The following DNAH5 variants were observed in gnomAD, a reference collection of about 807,000 sequenced individuals.
DNAH5 encodes the protein dynein axonemal heavy chain 5.
DNAH5 carries 372 observed loss-of-function variants against 518.2 expected under a neutral mutation model. The observed-to-expected ratio is 0.72, with a 90% CI of 0.66 to 0.78. DNAH5 has a LOEUF of 0.78. DNAH5 is among the 30% of genes least tolerant of loss of function. The pLI, the probability that DNAH5 is intolerant of heterozygous loss-of-function variation, is 0.00. For missense variants in DNAH5, 5,523 were observed against 5,687.0 expected (o/e 0.97, Z 0.93); for synonymous variants, 2,039 against 2,025.9 (o/e 1.01, Z -0.17).
At position 13,866,177 on chromosome 5, in the gene DNAH5, A is replaced by G. The variant is rs1265049329; in HGVS notation, c.4116+43T>C. On this transcript the variant is annotated intron_variant, in intron 26 of 78. Coordinates refer to ENST00000265104, the MANE Select transcript of DNAH5 (RefSeq NM_001369.3). ...AACATATGTGTGTTTAAAACACAAC[A>G]AAGTTTCATTGTTTAGAAAGTCATA... is the stretch of plus-strand genomic sequence containing the variant. 4.4e-6 allele frequency: 7 copies of G among 1,578,416 alleles called. No homozygotes were observed. In the Admixed American group the frequency reaches 1.0e-4, roughly 23 times the overall value.
rs556120516 is a variant in DNAH5 at position 13,698,647 on chromosome 5, C to G, written c.13723+1993G>C. Among the ~76,000 whole-genome samples the G allele has an allele frequency of 1.2e-4, 19 of 152,292 alleles. No homozygotes were observed. The South Asian group carries it at 3.7e-3, about 30-fold the overall frequency. ...CCATAAGGCACAGCCTTCTTGTGCT[C>G]AGAAACAGCAGACTTAAACACTACA... On this transcript the variant is annotated intron_variant, in intron 78 of 78. Transcript: ENST00000265104.
At chr5:13,713,541 A>T (rs1301702929) in intron 75 of DNAH5, among the ~76,000 whole-genome samples, 1 of 148,682 alleles carries the variant, frequency 6.7e-6, no homozygotes, top group Non-Finnish European at 1.5e-5. Context: ...CAGCATTTGG[A>T]GCGATCTGGA....
In DNAH5 at chr5:13,876,731, C is replaced by T; in HGVS notation, c.3349G>A (p.Val1117Ile). ...YKNVSENKEIVKLVSVLSTII... is the reference protein window; with the variant it reads ...YKNVSENKEIIKLVSVLSTII... ...GTGCTAAGCACAGAAACTAATTTTA[C>T]AATCTCTTTGTTTTCAGAAACATTC... Residue 1117 changes from valine to isoleucine, a missense_variant, in exon 22 of 79, where the codon GTA becomes ATA. Coordinates refer to ENST00000265104, the MANE Select transcript of DNAH5 (RefSeq NM_001369.3). The T allele has an allele frequency of 6.2e-7, 1 of 1,613,926 alleles. No individual in the cohort carries two copies. Among genetic ancestry groups the T allele is most frequent in the South Asian group, 1.1e-5 (1 of 91,082 alleles).
chr5:13,725,653 T>A (rs144057633), intron 70 of DNAH5, among the ~76,000 whole-genome samples: 1 of 152,106 alleles, frequency 6.6e-6, no homozygotes, highest in East Asian at 1.9e-4. Context: ...CCAACCTCCC[T>A]TTGTTGAGTA....
chr5:13,797,577 G>T (rs1251330059), intron 47 of DNAH5, among the ~76,000 whole-genome samples: 2 of 152,182 alleles, frequency 1.3e-5, no homozygotes, highest in Non-Finnish European at 2.9e-5. Context: ...AGGATGTGGA[G>T]AAATAGGAAC....
chr5:13,987,040 TCTC>T (rs1561047798), intron 1 of DNAH5, among the ~76,000 whole-genome samples: 1 of 151,798 alleles, frequency 6.6e-6, no homozygotes, highest in African/African-American at 2.4e-5. Context: ...AAGGGAAAAT[TCTC>T]CTTCCTTTCC....
intron 3 of DNAH5, among the ~76,000 whole-genome samples, chr5:13,926,108 A>C (rs1777838590): frequency 6.6e-6 from 1 of 152,202 alleles, no homozygotes; most frequent in Non-Finnish European, 1.5e-5. Context: ...CAGCACCACC[A>C]TGGAGGGCAG....
Position 13,841,936 on chromosome 5 carries a change from A to AAAG in DNAH5, c.5272-33_5272-32insCTT, listed in dbSNP as rs1561405464. On this transcript the variant is annotated intron_variant, in intron 32 of 78. Transcript: ENST00000265104. ...TAGAAACCAAAAAAAAAAAAAAAAA[A>AAAG]AGCTATAGTCATATAAAAAGTAAAA... 46 of 1,072,816 alleles carry AAAG rather than the reference A, an allele frequency of 4.3e-5. 1 individual carries two copies. Among genetic ancestry groups the AAAG allele is most frequent in the African/African-American group, 6.5e-5 (4 of 61,072 alleles). 66.5% of individuals were successfully genotyped at this position (1,072,816 alleles called of 1,614,324 possible).
intron 76 of DNAH5, among the ~76,000 whole-genome samples, chr5:13,703,746 ATTCTCCCC>A (rs1234658940): frequency 2.0e-5 from 3 of 151,962 alleles, no homozygotes; most frequent in Admixed American, 2.0e-4. Context: ...TGACCCTCTC[ATTCTCCCC>A]ACTCCCAGGA....
intron 75 of DNAH5, 143 bp downstream of exon 75, chr5:13,714,262 C>T (rs538533934): frequency 2.3e-6 from 2 of 858,304 alleles, no homozygotes; most frequent in East Asian, 2.6e-5. Context: ...ACTTCTTTTT[C>T]TGGTTCTTTA....
At position 13,748,360 on chromosome 5, in the gene DNAH5, G is replaced by A. The variant is rs552726221; in HGVS notation, c.11211+2718C>T. On this transcript the variant is annotated intron_variant, in intron 65 of 78. Transcript: ENST00000265104. ...GGCTTAGGATTGTCTTGGCAATGTGGGCTCTTTTTTTGGTTCCATATGAAC... is the reference window on the plus strand; with the variant it reads ...GGCTTAGGATTGTCTTGGCAATGTGAGCTCTTTTTTTGGTTCCATATGAAC... 2.2e-3 allele frequency among the ~76,000 whole-genome samples: 338 copies of A among 152,240 alleles called. 4 individuals are homozygous for A. Among genetic ancestry groups the A allele is most frequent in the African/African-American group, 7.8e-3 (324 of 41,556 alleles).
At chr5:13,796,683 A>G (rs183158891) in intron 47 of DNAH5, among the ~76,000 whole-genome samples, 2 of 152,380 alleles carry the variant, frequency 1.3e-5, no homozygotes, top group South Asian at 2.1e-4. Flanking sequence ...CTTTCTTCAC[A>G]GAATTGGAAA....
intron 24 of DNAH5, among the ~76,000 whole-genome samples, chr5:13,868,715 T>C (rs939984307): frequency 5.9e-5 from 9 of 152,144 alleles, no homozygotes; most frequent in Non-Finnish European, 1.2e-4. Flanking sequence ...CTTCCCTCCC[T>C]CTCCGTGGAG....
intron 1 of DNAH5, among the ~76,000 whole-genome samples, chr5:13,979,362 C>T (rs1681245666): frequency 6.6e-6 from 1 of 152,140 alleles, no homozygotes; most frequent in Non-Finnish European, 1.5e-5. Context: ...AACATATAAA[C>T]AAAATGTGTT....
intron 69 of DNAH5, 42 bp from the exon 70 acceptor site, chr5:13,727,698 C>A (rs1335399442): frequency 1.9e-6 from 3 of 1,611,454 alleles, no homozygotes; most frequent in South Asian, 1.1e-5. Context: ...TGCCACCCAA[C>A]AATCTTTCAG....
In DNAH5 at chr5:13,894,821, T is replaced by C. The variant is rs767779035; in HGVS notation, c.2260A>G (p.Met754Val). Residue 754 changes from methionine to valine, a missense_variant and splice_region_variant, in exon 16 of 79, where the codon ATG (methionine) becomes GTG (valine). Physicochemically the swap from Met to Val is conservative, Grantham distance 21 (BLOSUM62 1). Coordinates refer to ENST00000265104, the MANE Select transcript of DNAH5 (RefSeq NM_001369.3). ...ACTCTCTGATATTCAGCTAGCATCA[T>C]CTGCAATGAAATTGGGGTTAAGTAA... Reference protein sequence around the residue: ...RYKRNFSNMKMMLAEYQRVKS... With the variant: ...RYKRNFSNMKVMLAEYQRVKS... 26 of 1,613,172 alleles carry C rather than the reference T, an allele frequency of 1.6e-5. No individual in the cohort carries two copies. Among genetic ancestry groups the C allele is most frequent in the Non-Finnish European group, 2.0e-5 (24 of 1,179,904 alleles).
chr5:13,718,768 A>T, intron 72 of DNAH5, 114 bp downstream of exon 72: 1 of 878,904 alleles, frequency 1.1e-6, no homozygotes, highest in Non-Finnish European at 1.9e-6. Context: ...CCATCAGGTT[A>T]AACAGTAGTA....
chr5:13,798,740 TTTTATTTATTTA>T (rs1157548763), intron 47 of DNAH5, among the ~76,000 whole-genome samples: 1,017 of 87,246 alleles, frequency 0.012, 18 homozygotes, highest in African/African-American at 0.036. Context: ...ATTTTATTTA[TTTTATTTATTTA>T]TTTATTTATT....
intron 48 of DNAH5, 69 bp from the exon 49 acceptor site, chr5:13,793,797 T>C (rs1757402036): frequency 4.4e-6 from 7 of 1,577,180 alleles, no homozygotes; most frequent in Non-Finnish European, 6.1e-6. Context: ...TCCTTGAGTG[T>C]TTCCAAAGAA....
Sources: allele counts gnomAD v4.1 joint callset (sites outside exome capture counted in the v4.1 genomes callset), GRCh38; gene constraint gnomAD v4.1.1; transcripts MANE v1.5; gene names NCBI Gene and HGNC (gene_info 2026-07-23, HGNC 2026-07-21).